The following KATNIP variants were observed in gnomAD, a reference collection of about 807,000 sequenced individuals.
The protein encoded by KATNIP is katanin-interacting protein.
KATNIP carries 126 observed loss-of-function variants against 174.0 expected under a neutral mutation model. That is an observed-to-expected ratio of 0.72 (90% CI 0.63 to 0.84). The LOEUF (loss-of-function observed/expected upper bound fraction) is 0.84. Ranked by LOEUF, KATNIP falls within the 40% of genes least tolerant of loss-of-function variation. KATNIP has a pLI of 0.00. For synonymous variants in KATNIP, 810 were observed against 835.7 expected, an observed-to-expected ratio of 0.97 and a Z score of 0.53; for missense variants, 1,958 against 2,109.7, an observed-to-expected ratio of 0.93 and a Z score of 1.41.
intron 18 of KATNIP, among the ~76,000 whole-genome samples, chr16:27,760,800 G>A (rs552821504): frequency 2.0e-5 from 3 of 152,306 alleles, no homozygotes; most frequent in African/African-American, 7.2e-5. Flanking sequence ...CAGTGACCAG[G>A]GCTTGGAAAG....
intron 2 of KATNIP, among the ~76,000 whole-genome samples, chr16:27,589,253 A>G (rs1411704964): frequency 6.6e-6 from 1 of 152,148 alleles, no homozygotes; most frequent in East Asian, 1.9e-4. Context: ...TTGGCCACAA[A>G]TAGCAAAATA....
Position 27,740,648 on chromosome 16 carries a change from G to A in KATNIP, c.2351G>A (p.Trp784Ter). 6.2e-7 allele frequency: 1 copy of A among 1,614,184 alleles called. No individual in the cohort carries two copies. Among genetic ancestry groups the A allele is most frequent in the Non-Finnish European group, 8.5e-7 (1 of 1,180,022 alleles). ...CTTAGTCCCGAGAAGCCCCTGGCCT[G>A]GAAGGGCAGGCTCCCATCAGACGAT... ...LWLSPEKPLA[W>*]KGRLPSDDVI... Residue 784 changes from tryptophan to a stop codon, truncating the protein, a stop_gained, in exon 15 of 28, where the codon TGG (tryptophan) becomes TAG (stop). Transcript: ENST00000261588. LOFTEE classifies it high-confidence loss of function.
At chr16:27,752,273 G>A (rs2081551008) in intron 17 of KATNIP, among the ~76,000 whole-genome samples, 1 of 152,096 alleles carries the variant, frequency 6.6e-6, no homozygotes, top group African/African-American at 2.4e-5. Context: ...TTGATGGAAG[G>A]ACTAGGAATG....
chr16:27,763,521 G>T (rs915000311), intron 19 of KATNIP, among the ~76,000 whole-genome samples: 1 of 148,670 alleles, frequency 6.7e-6, no homozygotes, highest in Non-Finnish European at 1.5e-5. Context: ...ATGCTGAGGT[G>T]GGAGGATCAC....
intron 19 of KATNIP, among the ~76,000 whole-genome samples, 184 bp from the exon 20 acceptor site, chr16:27,766,125 A>G (rs553922432): frequency 6.6e-6 from 1 of 151,246 alleles, no homozygotes; most frequent in African/African-American, 2.4e-5. Context: ...GTCTCATTTC[A>G]TAGATGAGAG....
intron 5 of KATNIP, among the ~76,000 whole-genome samples, chr16:27,635,333 A>G (rs1412336872): frequency 6.6e-6 from 1 of 152,136 alleles, no homozygotes; most frequent in East Asian, 1.9e-4. Context: ...TGGGAAATGC[A>G]GTATTTGGCT....
chr16:27,601,803 T>A (rs1298182799), intron 2 of KATNIP, among the ~76,000 whole-genome samples: 1 of 152,158 alleles, frequency 6.6e-6, no homozygotes, highest in Non-Finnish European at 1.5e-5. Flanking sequence ...TGCCCTCCCC[T>A]CTTCAGGGGG....
chr16:27,655,229 T>TATATATATATATATA (rs1399055217), intron 6 of KATNIP, among the ~76,000 whole-genome samples: 1 of 110,260 alleles, frequency 9.1e-6, no homozygotes, highest in Non-Finnish European at 1.8e-5. Flanking sequence ...TATATATATA[T>TATATATATATATATA]TTTGTTTGTT....
In KATNIP at chr16:27,703,962, G is replaced by A. The variant is rs1360365831; in HGVS notation, c.1353G>A (p.Val451=). 6.2e-7 allele frequency: 1 copy of A among 1,614,194 alleles called. No homozygotes were observed. Among genetic ancestry groups the A allele is most frequent in the East Asian group, 2.2e-5 (1 of 44,892 alleles). The change falls in exon 12 of 28, where the codon GTG becomes GTA. Residue 451 remains valine, a synonymous_variant. Transcript: ENST00000261588. ...GTGACTCTGCCCATCTCGGCAGGGT[G>A]GTTTCACCAACCAAGGAGCAAGTAT... The part of the protein sequence containing the change: ...VESDSAHLGR[V]VSPTKEQVSD...
chr16:27,674,289 A>T (rs1165385446), intron 6 of KATNIP, among the ~76,000 whole-genome samples: 2 of 152,228 alleles, frequency 1.3e-5, no homozygotes, highest in East Asian at 3.8e-4. Context: ...AGAAATCCAA[A>T]ATCAGTTTCA....
chr16:27,678,145 C>A, intron 7 of KATNIP, 149 bp downstream of exon 7: 1 of 891,560 alleles, frequency 1.1e-6, no homozygotes, highest in Non-Finnish European at 1.7e-6. Flanking sequence ...CTGTTGATTG[C>A]AAGACGCAGA....
intron 5 of KATNIP, among the ~76,000 whole-genome samples, chr16:27,646,041 GCATT>G (rs2076947722): frequency 6.6e-6 from 1 of 152,210 alleles, no homozygotes; most frequent in African/African-American, 2.4e-5. Flanking sequence ...TGGGAAAATG[GCATT>G]CAGATTGGGA....
At chr16:27,769,460 C>T (rs1308783934) in intron 20 of KATNIP, among the ~76,000 whole-genome samples, 1 of 152,228 alleles carries the variant, frequency 6.6e-6, no homozygotes, top group Admixed American at 6.5e-5. Context: ...TGACCGTGCC[C>T]ATTTAACAGA....
At position 27,740,730 on chromosome 16, in the gene KATNIP, G is replaced by A; in HGVS notation, c.2433G>A (p.Glu811=). Reference sequence around the variant, plus strand: ...CCAGGGATAAAGGCCTACGGCATGAGCCAGGGTGGGGGACCAGCCGGAGTG... The same window carrying A: ...CCAGGGATAAAGGCCTACGGCATGAACCAGGGTGGGGGACCAGCCGGAGTG... The part of the protein sequence containing the change: ...TEARDKGLRH[E]PGWGTSRSVN... The change falls in exon 15 of 28, where the codon GAG becomes GAA. Residue 811 remains glutamate, a synonymous_variant. Transcript: ENST00000261588. 6.2e-7 allele frequency: 1 copy of A among 1,614,222 alleles called. No homozygotes were observed. Among genetic ancestry groups the A allele is most frequent in the Non-Finnish European group, 8.5e-7 (1 of 1,180,040 alleles).
At chr16:27,775,124 AG>A in intron 24 of KATNIP, 40 bp downstream of exon 24, 1 of 1,591,288 alleles carries the variant, frequency 6.3e-7, no homozygotes, top group Non-Finnish European at 8.5e-7. Flanking sequence ...CCTGGCCCTC[AG>A]GCGGGCAGGG....
chr16:27,640,477 G>C (rs1287094755), intron 5 of KATNIP, among the ~76,000 whole-genome samples: 1 of 152,184 alleles, frequency 6.6e-6, no homozygotes, highest in East Asian at 1.9e-4. Flanking sequence ...TCTCCTCCCA[G>C]TGGTGGCAGA....
intron 14 of KATNIP, among the ~76,000 whole-genome samples, chr16:27,734,567 C>T (rs1471830083): frequency 2.6e-5 from 4 of 151,948 alleles, no homozygotes; most frequent in Admixed American, 2.0e-4. Context: ...GGCGTAGTGG[C>T]GTGCCTGTAA....
intron 6 of KATNIP, among the ~76,000 whole-genome samples, chr16:27,671,128 G>A (rs1029861732): frequency 6.6e-6 from 1 of 152,202 alleles, no homozygotes; most frequent in African/African-American, 2.4e-5. Flanking sequence ...AGGAGGCAGA[G>A]GTTGCAGTGA....
chr16:27,665,606 A>T (rs924995139), intron 6 of KATNIP, among the ~76,000 whole-genome samples: 12 of 138,286 alleles, frequency 8.7e-5, no homozygotes, highest in East Asian at 2.1e-4. Flanking sequence ...TGTTTTTATT[A>T]TTTTTTTTTT....
Sources: gnomAD v4.1 joint callset for allele counts (sites outside exome capture counted in the v4.1 genomes callset) on GRCh38, gnomAD v4.1.1 for gene constraint, MANE v1.5 for transcripts, NCBI Gene and HGNC (gene_info 2026-07-23, HGNC 2026-07-21) for gene names.